PDE8B: variants seen among roughly 807,000 people sequenced by gnomAD.
PDE8B encodes high affinity cAMP-specific and IBMX-insensitive 3',5'-cyclic phosphodiesterase 8B.
A neutral mutation model predicts 101.3 loss-of-function variants in PDE8B; 26 were observed. The ratio of observed to expected loss-of-function variants is 0.26; its 90% confidence interval spans 0.19 to 0.36. The LOEUF (loss-of-function observed/expected upper bound fraction) is 0.36. PDE8B is among the 10% of genes least tolerant of loss of function. PDE8B has a pLI of 1.00. For synonymous variants in PDE8B, 424 were observed against 429.3 expected (o/e 0.99, Z 0.15); for missense variants, 810 against 1,163.1 (o/e 0.70, Z 4.42).
chr5:77,378,382 C>T (rs749999627), intron 10 of PDE8B, among the ~76,000 whole-genome samples: 1 of 144,534 alleles, frequency 6.9e-6, no homozygotes, highest in Non-Finnish European at 1.5e-5. Flanking sequence ...TCGCTTGAAC[C>T]CAGGAGGCAG....
chr5:77,121,569 A>G, the PDE8B span, among the ~76,000 whole-genome samples: 1 of 148,168 alleles, frequency 6.7e-6, no homozygotes, highest in Non-Finnish European at 1.5e-5. Context: ...GTGCAGTGGC[A>G]CAATCTTGGC....
the PDE8B span, among the ~76,000 whole-genome samples, chr5:77,137,294 C>T: frequency 1.3e-5 from 2 of 152,178 alleles, no homozygotes; most frequent in Non-Finnish European, 2.9e-5. Context: ...ACTGGCCTAG[C>T]AGGGCTGGGA....
chr5:77,323,000 A>G (rs1379698901), intron 2 of PDE8B, among the ~76,000 whole-genome samples: 1 of 152,204 alleles, frequency 6.6e-6, no homozygotes, highest in East Asian at 1.9e-4. Context: ...TAAATTGCTG[A>G]GATTCTTGTT....
chr5:77,406,028 T>C (rs1265763340), intron 12 of PDE8B, among the ~76,000 whole-genome samples: 1 of 152,162 alleles, frequency 6.6e-6, no homozygotes, highest in Non-Finnish European at 1.5e-5. Flanking sequence ...GGCTCATGCC[T>C]GTGATCCCAG....
At chr5:77,193,700 G>C in the PDE8B span, among the ~76,000 whole-genome samples, 1 of 152,230 alleles carries the variant, frequency 6.6e-6, no homozygotes, top group Admixed American at 6.5e-5. Context: ...AATTTTTACA[G>C]ATATAAACCT....
At chr5:77,183,363 C>A in the PDE8B span, among the ~76,000 whole-genome samples, 4 of 152,088 alleles carry the variant, frequency 2.6e-5, no homozygotes, top group Non-Finnish European at 4.4e-5. Context: ...CATGATCCAC[C>A]CGCCTCGGCC....
chr5:77,345,562 A>G (rs1054303480), intron 7 of PDE8B, among the ~76,000 whole-genome samples: 3 of 152,228 alleles, frequency 2.0e-5, no homozygotes, highest in African/African-American at 4.8e-5. Context: ...GGAACAGAGT[A>G]TTTTCAAAGA....
chr5:77,425,945 G>A (rs200606042), intron 21 of PDE8B, 49 bp downstream of exon 21: 49 of 1,558,244 alleles, frequency 3.1e-5, no homozygotes, highest in South Asian at 6.7e-5. Context: ...TATACTTTAC[G>A]AATATTATCT....
chr5:77,306,392 A>G (rs569077219), intron 1 of PDE8B, among the ~76,000 whole-genome samples: 49 of 152,220 alleles, frequency 3.2e-4, no homozygotes, highest in Non-Finnish European at 6.5e-4. Flanking sequence ...GACAGAGACT[A>G]TGTCCTCAAG....
intron 17 of PDE8B, among the ~76,000 whole-genome samples, chr5:77,417,483 CAATAAAT>C (rs1795810412): frequency 1.3e-5 from 2 of 152,198 alleles, no homozygotes; most frequent in Non-Finnish European, 2.9e-5. Context: ...GGTAGGCACT[CAATAAAT>C]AATAAATTCC....
At chr5:77,356,226 A>G (rs935903339) in intron 10 of PDE8B, among the ~76,000 whole-genome samples, 4 of 152,096 alleles carry the variant, frequency 2.6e-5, no homozygotes, top group Non-Finnish European at 5.9e-5. Context: ...CTCAAAGCCT[A>G]TCTCAGCCCC....
chr5:77,318,832 C>G (rs1210996964), intron 2 of PDE8B, among the ~76,000 whole-genome samples: 2 of 152,090 alleles, frequency 1.3e-5, no homozygotes, highest in Non-Finnish European at 1.5e-5. Context: ...AAAGCCAAAC[C>G]AAATATTCCA....
At chr5:77,159,009 A>T in the PDE8B span, among the ~76,000 whole-genome samples, 1 of 152,156 alleles carries the variant, frequency 6.6e-6, no homozygotes, top group Non-Finnish European at 1.5e-5. Flanking sequence ...CTGTGGTAAC[A>T]TCTCTATCTT....
the PDE8B span, among the ~76,000 whole-genome samples, chr5:77,192,932 T>C: frequency 6.6e-6 from 1 of 152,174 alleles, no homozygotes; most frequent in East Asian, 1.9e-4. Context: ...TGATGACTAA[T>C]TGATGCTGAG....
chr5:77,212,485 A>G (rs1334358546), intron 1 of PDE8B, among the ~76,000 whole-genome samples: 1 of 152,160 alleles, frequency 6.6e-6, no homozygotes, highest in Non-Finnish European at 1.5e-5. Context: ...TTTAACATGA[A>G]GCTTGACTGA....
chr5:77,293,668 T>C (rs553109154), intron 1 of PDE8B, among the ~76,000 whole-genome samples: 3 of 152,366 alleles, frequency 2.0e-5, no homozygotes, highest in African/African-American at 4.8e-5. Context: ...TAAACATTTG[T>C]TGAAGAAATG....
chr5:77,347,513 G>T (rs1298291143), intron 7 of PDE8B, among the ~76,000 whole-genome samples: 1 of 152,156 alleles, frequency 6.6e-6, no homozygotes, highest in East Asian at 1.9e-4. Context: ...AACAAATAAA[G>T]AAAATAATAT....
chr5:77,369,325 C>T (rs1784685842), intron 10 of PDE8B, among the ~76,000 whole-genome samples: 1 of 151,490 alleles, frequency 6.6e-6, no homozygotes, highest in Admixed American at 6.6e-5. Flanking sequence ...TAAAGAATGG[C>T]CCCACCTGAG....
chr5:77,310,447 A>T (rs527823343), intron 1 of PDE8B, among the ~76,000 whole-genome samples: 8 of 152,220 alleles, frequency 5.3e-5, no homozygotes, highest in African/African-American at 1.9e-4. Context: ...TGGTGTCAGC[A>T]CCCACACCTT....
Sources: gnomAD v4.1 joint callset for allele counts (sites outside exome capture counted in the v4.1 genomes callset) on GRCh38, gnomAD v4.1.1 for gene constraint, MANE v1.5 for transcripts, NCBI Gene and HGNC (gene_info 2026-07-23, HGNC 2026-07-21) for gene names.